The following ENO3 variants were observed in gnomAD, a reference collection of about 807,000 sequenced individuals.
ENO3 encodes the protein enolase 3.
Under a neutral mutation model 47.7 loss-of-function variants are expected in ENO3, and 46 were observed. That is an observed-to-expected ratio of 0.96 (90% CI 0.76 to 1.23). The LOEUF is 1.23. Among genes scored for constraint, ENO3 ranks in the 50% most tolerant of loss-of-function variants. The pLI is 0.00. For synonymous variants in ENO3, 223 were observed against 225.9 expected, an observed-to-expected ratio of 0.99 and a Z score of 0.11; for missense variants, 575 against 566.2, an observed-to-expected ratio of 1.02 and a Z score of -0.16.
rs370533034 is a variant in ENO3, at chr17:4,956,691, G to A, written c.1176+10G>A. 10 of 1,614,054 alleles carry A rather than the reference G, an allele frequency of 6.2e-6. No individual in the cohort carries two copies. The African/African-American group carries it at 9.3e-5, about 15-fold the overall frequency. On this transcript the variant is annotated intron_variant, in intron 10 of 11. Transcript: ENST00000519602. ...GCTCTGCACAGGACAGGTACTTGTA[G>A]CTTCTCTCTACTGAGTGTCTCACCA...
rs1329066036 is a variant in ENO3, at chr17:4,955,169, A to G, written c.539A>G (p.Glu180Gly). Reference sequence around the variant, plus strand: ...CCTGTGGGAGCCAGCTCCTTCAAGGAAGCCATGCGCATTGGCGCCGAGGTC... The same window carrying G: ...CCTGTGGGAGCCAGCTCCTTCAAGGGAGCCATGCGCATTGGCGCCGAGGTC... ...ILPVGASSFK[E>G]AMRIGAEVYH... is the part of the protein sequence containing the mutation. Residue 180 changes from glutamate to glycine, a missense_variant, in exon 7 of 12, where the codon GAA becomes GGA. Coordinates refer to ENST00000519602, the MANE Select transcript of ENO3 (RefSeq NM_053013.4). 6.2e-7 allele frequency: 1 copy of G among 1,614,222 alleles called. No homozygotes were observed. Among genetic ancestry groups the G allele is most frequent in the Non-Finnish European group, 8.5e-7 (1 of 1,180,026 alleles).
intron 2 of ENO3, chr17:4,952,150 A>T: frequency 1.6e-6 from 1 of 643,854 alleles, no homozygotes; most frequent in Non-Finnish European, 2.9e-6. Context: ...TTTGAGAGGT[A>T]GAGAGACTCC....
At chr17:4,953,195 C>G in intron 4 of ENO3, 77 bp from the exon 5 acceptor site, 1 of 1,612,894 alleles carries the variant, frequency 6.2e-7, no homozygotes. Context: ...AACATTTTCC[C>G]TTATCCTTCC....
At chr17:4,954,933 G>C (rs1971669776) in intron 6 of ENO3, 142 bp from the exon 7 acceptor site, 5 of 644,280 alleles carry the variant, frequency 7.8e-6, no homozygotes, top group Non-Finnish European at 1.3e-5. Context: ...TGAGGAAAGA[G>C]GCTCTTGAGC....
chr17:4,955,010 C>CCCCCCCCG, intron 6 of ENO3, 65 bp from the exon 7 acceptor site: 1 of 1,503,466 alleles, frequency 6.7e-7, no homozygotes, highest in Non-Finnish European at 9.1e-7. Flanking sequence ...CAACACCCCC[C>CCCCCCCCG]GCCCCTGTCC....
rs143945974 is a variant in ENO3 at position 4,953,095 on chromosome 17, G to C, written c.226G>C (p.Ala76Pro). The change falls in exon 4 of 12, where the codon GCT becomes CCT. Residue 76 changes from alanine (A) to proline (P), a missense_variant. Transcript: ENST00000519602. ...VENINNTLGP[A>P]LLQKKLSVVD... ...GAACATCAACAATACTCTGGGCCCTGCTCTGCTGCAAAAGGCAAGTGGGGA... is the reference window on the plus strand; with the variant it reads ...GAACATCAACAATACTCTGGGCCCTCCTCTGCTGCAAAAGGCAAGTGGGGA... 1,147 of 1,614,064 alleles carry C rather than the reference G, an allele frequency of 7.1e-4. 15 individuals carry two copies. The East Asian group carries it at 0.018, about 25-fold the overall frequency.
At position 4,955,161 on chromosome 17, in the gene ENO3, C is replaced by T; in HGVS notation, c.531C>T (p.Ser177=). 6.2e-7 allele frequency: 1 copy of T among 1,614,284 alleles called. No homozygotes were observed. The highest frequency in any genetic ancestry group is 8.5e-7 in the Non-Finnish European group (1 of 1,180,052). ...EFMILPVGAS[S]FKEAMRIGAE... The stretch of plus-strand genomic sequence containing the variant: ...TGATTCTGCCTGTGGGAGCCAGCTC[C>T]TTCAAGGAAGCCATGCGCATTGGCG... Residue 177 remains serine (S), a synonymous_variant, in exon 7 of 12, where the codon TCC becomes TCT. Transcript: ENST00000519602.
intron 6 of ENO3, 154 bp downstream of exon 6, chr17:4,953,999 C>T: frequency 1.7e-6 from 2 of 1,185,560 alleles, no homozygotes; most frequent in East Asian, 2.6e-5. Context: ...CCCACCCCTC[C>T]CTCTCTTCCA....
intron 9 of ENO3, 46 bp from the exon 10 acceptor site, chr17:4,956,527 A>C (rs1971736473): frequency 6.3e-7 from 1 of 1,599,154 alleles, no homozygotes; most frequent in South Asian, 1.1e-5. Flanking sequence ...CTGCTTTCCC[A>C]CTGAGGAGGT....
At chr17:4,955,762 G>A in intron 8 of ENO3, 158 bp downstream of exon 8, 1 of 1,321,494 alleles carries the variant, frequency 7.6e-7, no homozygotes, top group Non-Finnish European at 1.1e-6. Flanking sequence ...ACCCCTCCAT[G>A]AGGCTCCTTC....
At chr17:4,949,556 C>T (rs554136339), upstream of ENO3, among the ~76,000 whole-genome samples, 4 of 151,482 alleles carry the variant, frequency 2.6e-5, no homozygotes, top group Admixed American at 2.6e-4. Context: ...GAAAGTCCCA[C>T]TTCGGGCCCT....
In ENO3 at chr17:4,952,797, C is replaced by T. The variant is rs201859879; in HGVS notation, c.88C>T (p.Arg30Ter). ...TCTTCCAATTCCTCCTGTCCCAGGC[C>T]GATTCCGAGCAGCTGTGCCCAGTGG... Reference protein sequence around the residue: ...VEVDLHTAKGRFRAAVPSGAS... With the variant: ...VEVDLHTAKG The change falls in exon 3 of 12, where the codon CGA becomes TGA. Residue 30 changes from arginine (R) to a stop codon, truncating the protein, a stop_gained and splice_region_variant. Transcript: ENST00000519602. LOFTEE classifies it high-confidence loss of function. The T allele has an allele frequency of 4.7e-5, 75 of 1,608,290 alleles. No homozygotes were observed. The highest frequency in any genetic ancestry group is 3.4e-5 in the Non-Finnish European group (40 of 1,176,932).
Position 4,955,193 on chromosome 17 carries a change from TCTA to T in ENO3, c.565_567del (p.Tyr189del). 6.2e-7 allele frequency: 1 copy of T among 1,614,114 alleles called. No individual in the cohort carries two copies. Among genetic ancestry groups the T allele is most frequent in the African/African-American group, 1.3e-5 (1 of 75,012 alleles). ...GAAGCCATGCGCATTGGCGCCGAGG[TCTA>T]CCACCACCTCAAGGGGGTCATCAAG... is the stretch of plus-strand genomic sequence containing the variant. On this transcript the variant is annotated inframe_deletion, in exon 7 of 12. Transcript: ENST00000519602.
rs550460218 is a variant in ENO3, at chr17:4,956,600, G to A, written c.1095G>A (p.Trp365Ter). ...QACKLAQSNG[W>*]GVMVSHRSGE... ...GCAAACTGGCTCAGTCTAATGGCTGGGGGGTGATGGTGAGCCACCGCTCTG... is the reference window on the plus strand; with the variant it reads ...GCAAACTGGCTCAGTCTAATGGCTGAGGGGTGATGGTGAGCCACCGCTCTG... The change falls in exon 10 of 12, where the codon TGG becomes TGA. Residue 365 changes from tryptophan (W) to a stop codon, truncating the protein, a stop_gained. Coordinates refer to ENST00000519602, the MANE Select transcript of ENO3 (RefSeq NM_053013.4). LOFTEE classifies it high-confidence loss of function. The A allele has an allele frequency of 3.8e-5, 61 of 1,614,192 alleles. No homozygotes were observed. The South Asian group carries it at 6.4e-4, about 17-fold the overall frequency.
At chr17:4,953,690 C>T (rs754820643) in intron 5 of ENO3, 22 bp from the exon 6 acceptor site, 64 of 1,614,132 alleles carry the variant, frequency 4.0e-5, no homozygotes, top group Non-Finnish European at 4.8e-5. Context: ...CTCATCCTTT[C>T]TTCCCGCTTG....
intron 2 of ENO3, chr17:4,952,170 C>T: frequency 1.7e-6 from 1 of 581,522 alleles, no homozygotes; most frequent in Non-Finnish European, 3.2e-6. Flanking sequence ...CCTGTGAGGT[C>T]CTTTTTTTTG....
At position 4,952,343 on chromosome 17, in the gene ENO3, A is replaced by ATTT. The variant is rs11310549; in HGVS notation, c.86-436_86-434dup. On this transcript the variant is annotated intron_variant, in intron 2 of 11. Transcript: ENST00000519602. ...AGGCCTGTGCCATCACGCCCAGCTA[A>ATTT]TTTTTTTTTTTTTTTTTTGAGATGG... 565 of 252,940 alleles carry ATTT rather than the reference A, an allele frequency of 2.2e-3. 1 individual carries two copies. Among genetic ancestry groups the ATTT allele is most frequent in the Middle Eastern group, 4.5e-3 (3 of 668 alleles). 15.7% of individuals were successfully genotyped at this position (252,940 alleles called of 1,614,324 possible). A position where few individuals can be genotyped will look rare whatever the true frequency, so the allele number is the denominator to read the frequency against.
At chr17:4,955,000 CAA>C in intron 6 of ENO3, 73 bp from the exon 7 acceptor site, 11 of 1,429,232 alleles carry the variant, frequency 7.7e-6, no homozygotes, top group Admixed American at 1.9e-5. Context: ...GTTTCCACCC[CAA>C]CACCCCCCGC....
intron 2 of ENO3, among the ~76,000 whole-genome samples, 176 bp from the exon 3 acceptor site, chr17:4,952,619 G>C (rs374608988): frequency 6.6e-6 from 1 of 151,706 alleles, no homozygotes; most frequent in African/African-American, 2.4e-5. Flanking sequence ...CACCGCGCCC[G>C]GCCTCAGCTA....
Sources: gnomAD v4.1 joint callset for allele counts (sites outside exome capture counted in the v4.1 genomes callset) on GRCh38, gnomAD v4.1.1 for gene constraint, MANE v1.5 for transcripts, NCBI Gene and HGNC (gene_info 2026-07-23, HGNC 2026-07-21) for gene names.